PEMT: variants seen among roughly 807,000 people sequenced by gnomAD.
PEMT encodes phospholipid methyltransferase.
In PEMT, 23 loss-of-function variants were observed where a neutral mutation model predicts 27.4. The observed-to-expected ratio is 0.84, with a 90% CI of 0.60 to 1.19. PEMT has a LOEUF of 1.19. Ranked by LOEUF, PEMT falls within the 50% of genes most tolerant of loss-of-function variation. The probability of loss-of-function intolerance (pLI) is 0.00; values close to 1 mark genes in which losing one functional copy is unlikely to be tolerated. For missense variants in PEMT, 307 were observed against 310.1 expected, an observed-to-expected ratio of 0.99 and a Z score of 0.07; for synonymous variants, 137 against 139.1, an observed-to-expected ratio of 0.98 and a Z score of 0.11.
At chr17:17,556,556 T>A (rs925988665) in intron 2 of PEMT, among the ~76,000 whole-genome samples, 1 of 152,010 alleles carries the variant, frequency 6.6e-6, no homozygotes, top group Non-Finnish European at 1.5e-5. Context: ...GTATTTTTAG[T>A]AGAGAGGGGG....
chr17:17,543,271 A>G (rs1011177219), intron 2 of PEMT, among the ~76,000 whole-genome samples: 2 of 152,234 alleles, frequency 1.3e-5, no homozygotes, highest in Admixed American at 1.3e-4. Flanking sequence ...TCTGCTGAGC[A>G]CTCCACACTG....
At chr17:17,560,128 G>A (rs1910368303) in intron 2 of PEMT, among the ~76,000 whole-genome samples, 1 of 152,220 alleles carries the variant, frequency 6.6e-6, no homozygotes, top group Admixed American at 6.5e-5. Context: ...GCTGTACACT[G>A]TGCACTCCTT....
intron 2 of PEMT, among the ~76,000 whole-genome samples, chr17:17,546,397 C>T (rs1909264414): frequency 6.6e-6 from 1 of 152,238 alleles, no homozygotes; most frequent in Admixed American, 6.5e-5. Flanking sequence ...CTGAGCCCCT[C>T]CCAGGAGCAG....
chr17:17,539,955 C>T (rs951191051), intron 2 of PEMT, among the ~76,000 whole-genome samples: 5 of 152,096 alleles, frequency 3.3e-5, no homozygotes, highest in Admixed American at 6.5e-5. Flanking sequence ...ACAGCCTCCA[C>T]GCAGGAGGCT....
chr17:17,576,788 C>G, intron 2 of PEMT, 132 bp downstream of exon 2: 1 of 725,352 alleles, frequency 1.4e-6, no homozygotes. Flanking sequence ...CAGCCAGCGA[C>G]AGACACGGGA....
At chr17:17,575,489 T>C (rs1457989262) in intron 2 of PEMT, among the ~76,000 whole-genome samples, 1 of 152,062 alleles carries the variant, frequency 6.6e-6, no homozygotes, top group Non-Finnish European at 1.5e-5. Context: ...GCATGCTGGG[T>C]GTGTGCAAAG....
At chr17:17,586,636 G>C (rs557500733) in intron 1 of PEMT, among the ~76,000 whole-genome samples, 1 of 152,266 alleles carries the variant, frequency 6.6e-6, no homozygotes, top group South Asian at 2.1e-4. Context: ...TGTGGGATGC[G>C]GCTAAGGCAG....
At chr17:17,591,753 G>A, upstream of PEMT, 1 of 1,454,936 alleles carries the variant, frequency 6.9e-7, no homozygotes, top group Non-Finnish European at 9.1e-7. Context: ...ACATATTCCG[G>A]CCTTCTGGGA....
chr17:17,577,231 G>A (rs1035569435), intron 1 of PEMT, among the ~76,000 whole-genome samples: 3 of 152,202 alleles, frequency 2.0e-5, no homozygotes, highest in Non-Finnish European at 2.9e-5. Context: ...CTGGGAGGGC[G>A]GCCGCAGAAA....
chr17:17,517,104 C>A (rs564820036), intron 3 of PEMT, among the ~76,000 whole-genome samples: 7 of 152,328 alleles, frequency 4.6e-5, no homozygotes, highest in Middle Eastern at 3.4e-3. Flanking sequence ...CAAGGACCCG[C>A]GTCCTGCCAG....
chr17:17,518,367 A>T (rs1052315599), intron 3 of PEMT, among the ~76,000 whole-genome samples: 3 of 152,214 alleles, frequency 2.0e-5, no homozygotes, highest in Admixed American at 2.0e-4. Flanking sequence ...GGCCAAGTTC[A>T]GCTGTGCAGG....
Position 17,523,156 on chromosome 17 carries a change from G to A in PEMT, c.205-761C>T, listed in dbSNP as rs1327456076. Reference sequence around the variant, plus strand: ...TGAGGAAGGAACGGAGAGGAGGGGAGGGGGCAAGGAGGATGCAAAAAGACA... The same window carrying A: ...TGAGGAAGGAACGGAGAGGAGGGGAAGGGGCAAGGAGGATGCAAAAAGACA... On this transcript the variant is annotated intron_variant, in intron 2 of 6. Coordinates refer to ENST00000255389, the MANE Select transcript of PEMT (RefSeq NM_148172.3). The surrounding 1 kb of genome is among the most constrained non-coding windows in gnomAD (Gnocchi z 4.8). Among the ~76,000 whole-genome samples, 1 of 152,128 alleles carries A rather than the reference G, an allele frequency of 6.6e-6. No homozygotes were observed. Among genetic ancestry groups the A allele is most frequent in the Admixed American group, 6.5e-5 (1 of 15,284 alleles).
At chr17:17,579,818 A>G (rs1911871425) in intron 1 of PEMT, among the ~76,000 whole-genome samples, 1 of 152,244 alleles carries the variant, frequency 6.6e-6, no homozygotes, top group East Asian at 1.9e-4. Flanking sequence ...AGGTGTGGGC[A>G]TCAGTAAACA....
chr17:17,520,489 C>T (rs1297990182), intron 3 of PEMT, among the ~76,000 whole-genome samples: 1 of 152,230 alleles, frequency 6.6e-6, no homozygotes, highest in Non-Finnish European at 1.5e-5. Context: ...CCAAGCCTCA[C>T]TTCCTCCATC....
Position 17,512,089 on chromosome 17 carries a change from C to T in PEMT, c.466+420G>A, listed in dbSNP as rs536721043. ...TGCCTGGCCTGAGAGCCACGCGTGCCGGGAGCTGCCAGAGAGGTGGCTGAC... is the reference window on the plus strand; with the variant it reads ...TGCCTGGCCTGAGAGCCACGCGTGCTGGGAGCTGCCAGAGAGGTGGCTGAC... On this transcript the variant is annotated intron_variant, in intron 4 of 6. Transcript: ENST00000255389. The surrounding 1 kb of genome is among the most constrained non-coding windows in gnomAD (Gnocchi z 6.3). Among the ~76,000 whole-genome samples, 88 of 152,286 alleles carry T rather than the reference C, an allele frequency of 5.8e-4. No individual in the cohort carries two copies. Among genetic ancestry groups the T allele is most frequent in the African/African-American group, 1.8e-3 (74 of 41,552 alleles).
In PEMT at chr17:17,506,590, C is replaced by T. The variant is rs77967941; in HGVS notation, c.579-289G>A. Among the ~76,000 whole-genome samples, 659 of 152,350 alleles carry T rather than the reference C, an allele frequency of 4.3e-3. 4 individuals are homozygous for T. Among genetic ancestry groups the T allele is most frequent in the African/African-American group, 0.014 (581 of 41,574 alleles). On this transcript the variant is annotated intron_variant, in intron 5 of 6. Transcript: ENST00000255389. ...TGCTCACTCTTTCCGGGTCTCCAGC[C>T]GCCAGCCCAGAGCTGGGAACGCAGC...
At chr17:17,532,375 A>G (rs990611867) in intron 2 of PEMT, among the ~76,000 whole-genome samples, 41 of 152,358 alleles carry the variant, frequency 2.7e-4, no homozygotes, top group Non-Finnish European at 4.6e-4. Context: ...ATTTCTACAC[A>G]TTTGCAATAA....
intron 2 of PEMT, among the ~76,000 whole-genome samples, chr17:17,541,365 C>A (rs1249852550): frequency 6.6e-6 from 1 of 152,358 alleles, no homozygotes; most frequent in East Asian, 1.9e-4. Context: ...ATTCCTAAAA[C>A]CCAGGCTGCC....
In PEMT at chr17:17,561,298, C is replaced by T. The variant is rs1910455633; in HGVS notation, c.204+15622G>A. Among the ~76,000 whole-genome samples the T allele has an allele frequency of 6.6e-6, 1 of 152,228 alleles. No individual in the cohort carries two copies. Among genetic ancestry groups the T allele is most frequent in the Admixed American group, 6.5e-5 (1 of 15,290 alleles). On this transcript the variant is annotated intron_variant, in intron 2 of 6. Transcript: ENST00000255389. The surrounding 1 kb of genome is among the most constrained non-coding windows in gnomAD (Gnocchi z 4.5). ...GGAACCTACAGGTAACCCTCTTTCA[C>T]AGTTAAGAACGCCAAGGCACGAAGC...
Sources: allele counts gnomAD v4.1 joint callset (sites outside exome capture counted in the v4.1 genomes callset), GRCh38; gene constraint gnomAD v4.1.1; non-coding constraint Gnocchi (gnomAD v3.1); transcripts MANE v1.5; gene names NCBI Gene and HGNC (gene_info 2026-07-23, HGNC 2026-07-21).